GAD1: variants seen among roughly 807,000 people sequenced by gnomAD.
GAD1 encodes 67 kDa glutamic acid decarboxylase.
In GAD1, 35 loss-of-function variants were observed where a neutral mutation model predicts 75.2. The ratio of observed to expected loss-of-function variants is 0.47; its 90% CI spans 0.36 to 0.62. GAD1 has a LOEUF of 0.62. Ranked by LOEUF, GAD1 falls within the 20% of genes least tolerant of loss-of-function variation. The pLI is 0.00. For synonymous variants in GAD1, 257 were observed against 271.9 expected, an observed-to-expected ratio of 0.95 and a Z score of 0.54; for missense variants, 490 against 758.5, an observed-to-expected ratio of 0.65 and a Z score of 4.16.
At chr2:170,840,304 C>G (rs1050819572) in intron 6 of GAD1, among the ~76,000 whole-genome samples, 2 of 152,194 alleles carry the variant, frequency 1.3e-5, no homozygotes, top group Admixed American at 1.3e-4. Context: ...ATTTCTGTCT[C>G]TCATCATCTG....
At chr2:170,814,331 C>T (rs1031365046), upstream of GAD1, among the ~76,000 whole-genome samples, 2 of 152,142 alleles carry the variant, frequency 1.3e-5, no homozygotes, top group African/African-American at 4.8e-5. Context: ...GCAAACGAAA[C>T]AGAGGCATGG....
At chr2:170,814,135 T>C (rs546410513), upstream of GAD1, among the ~76,000 whole-genome samples, 5 of 152,162 alleles carry the variant, frequency 3.3e-5, no homozygotes, top group East Asian at 1.9e-4. Context: ...AACAAAAATA[T>C]AGGTTTCAAA....
chr2:170,856,958 T>C, intron 14 of GAD1, 60 bp from the exon 15 acceptor site: 2 of 1,337,098 alleles, frequency 1.5e-6, no homozygotes, highest in Non-Finnish European at 2.2e-6. Flanking sequence ...CAGCATAGCC[T>C]TCCCAAATGC....
rs144255617 is a variant in GAD1, at chr2:170,852,937, C to T, written c.1263+145C>T. 1.8e-4 allele frequency: 135 copies of T among 742,136 alleles called. No individual in the cohort carries two copies. The African/African-American group carries it at 1.9e-3, about 11-fold the overall frequency. The allele number at this position is 742,136 out of a possible 1,614,324, so 46.0% of individuals were successfully genotyped here. The stretch of plus-strand genomic sequence containing the variant: ...GAGAGACTACTGCTGCTGTCCTTTC[C>T]TGCCCTTGCAGCTAACCTGGTTTCT... On this transcript the variant is annotated intron_variant, in intron 13 of 16. Coordinates refer to ENST00000358196, the MANE Select transcript of GAD1 (RefSeq NM_000817.3).
At chr2:170,823,195 T>C (rs1701936296) in intron 3 of GAD1, among the ~76,000 whole-genome samples, 1 of 152,158 alleles carries the variant, frequency 6.6e-6, no homozygotes, top group Non-Finnish European at 1.5e-5. Flanking sequence ...CGTCAGCTCC[T>C]GCGCGCGGGA....
chr2:170,856,366 T>C (rs1358481001), intron 14 of GAD1, among the ~76,000 whole-genome samples: 1 of 152,214 alleles, frequency 6.6e-6, no homozygotes, highest in Admixed American at 6.5e-5. Flanking sequence ...GCCTGTCACC[T>C]AAAAGGCATA....
chr2:170,820,062 G>C (rs1386017651), intron 2 of GAD1, among the ~76,000 whole-genome samples: 5 of 152,224 alleles, frequency 3.3e-5, no homozygotes, highest in Non-Finnish European at 7.3e-5. Context: ...AGCTGGCCAG[G>C]GCAGGGCGGG....
upstream of GAD1, among the ~76,000 whole-genome samples, chr2:170,814,241 G>A (rs189198448): frequency 9.0e-4 from 137 of 152,282 alleles, no homozygotes; most frequent in African/African-American, 3.0e-3. Flanking sequence ...CCCCAACTAG[G>A]CAAAACAAAC....
chr2:170,835,423 T>G (rs1702347211), intron 5 of GAD1, among the ~76,000 whole-genome samples: 2 of 152,224 alleles, frequency 1.3e-5, no homozygotes. Context: ...ATCTATCATC[T>G]GCTACTTTCA....
chr2:170,859,388 C>T (rs968349276), intron 16 of GAD1, among the ~76,000 whole-genome samples: 1 of 152,148 alleles, frequency 6.6e-6, no homozygotes, highest in African/African-American at 2.4e-5. Context: ...GTGTGCCAGG[C>T]AGTATCCTGG....
Position 170,858,748 on chromosome 2 carries a change from C to T in GAD1, c.1522-56C>T. On this transcript the variant is annotated intron_variant, in intron 15 of 16. Transcript: ENST00000358196. ...CCAAGGATGCATATTGGTTTGGGAA[C>T]AGCTTTCTCTCAAGTTATCCTAATT... 3 of 1,532,606 alleles carry T rather than the reference C, an allele frequency of 2.0e-6. No individual in the cohort carries two copies. In the Admixed American group the frequency reaches 5.1e-5, roughly 26 times the overall value. The allele number at this position is 1,532,606 out of a possible 1,614,324, so 94.9% of individuals were successfully genotyped here.
chr2:170,818,683 G>C lies in GAD1; in HGVS notation c.82+10G>C, dbSNP rs1454020612. ...AACCTGCGCCCCACAAGTAGGTCCC[G>C]CCCCAATTTTCTATCAAATGAACTG... is the stretch of plus-strand genomic sequence containing the variant. On this transcript the variant is annotated intron_variant, in intron 2 of 16. Coordinates refer to ENST00000358196, the MANE Select transcript of GAD1 (RefSeq NM_000817.3). This position sits in a 1 kb window ranked among gnomAD's most constrained non-coding sequence, Gnocchi z 5.9. 6.2e-7 allele frequency: 1 copy of C among 1,613,508 alleles called. No individual in the cohort carries two copies. The highest frequency in any genetic ancestry group is 1.1e-5 in the South Asian group (1 of 91,070).
chr2:170,857,730 G>A (rs538962113), intron 15 of GAD1, among the ~76,000 whole-genome samples: 6 of 152,298 alleles, frequency 3.9e-5, no homozygotes, highest in African/African-American at 1.4e-4. Context: ...TCATAAGGAA[G>A]AGAGCAAGAT....
At chr2:170,815,173 C>T (rs1461093610), upstream of GAD1, among the ~76,000 whole-genome samples, 1 of 152,136 alleles carries the variant, frequency 6.6e-6, no homozygotes, top group African/African-American at 2.4e-5. Context: ...CCACTTCAAG[C>T]AGCGCAGAGC....
intron 3 of GAD1, 29 bp downstream of exon 3, chr2:170,822,178 C>G (rs964934575): frequency 6.2e-7 from 1 of 1,603,520 alleles, no homozygotes; most frequent in Non-Finnish European, 8.5e-7. Context: ...TGGGGCCCGG[C>G]TGGGTGGCGC....
At chr2:170,845,357 C>T in intron 7 of GAD1, 149 bp from the exon 8 acceptor site, 1 of 729,320 alleles carries the variant, frequency 1.4e-6, no homozygotes, top group South Asian at 1.5e-5. Context: ...TGGGAAGCCC[C>T]AGCAATAGGG....
chr2:170,850,146 C>T (rs1218513161), intron 12 of GAD1, among the ~76,000 whole-genome samples: 1 of 152,176 alleles, frequency 6.6e-6, no homozygotes, highest in Non-Finnish European at 1.5e-5. Flanking sequence ...AATAAAAATG[C>T]ATATCTGATA....
At chr2:170,858,082 C>T (rs1702890353) in intron 15 of GAD1, among the ~76,000 whole-genome samples, 1 of 152,212 alleles carries the variant, frequency 6.6e-6, no homozygotes, top group African/African-American at 2.4e-5. Context: ...AAATCAGTGA[C>T]ACTGCTCTGA....
intron 5 of GAD1, among the ~76,000 whole-genome samples, chr2:170,831,988 G>T (rs1255280124): frequency 6.6e-6 from 1 of 151,722 alleles, no homozygotes; most frequent in East Asian, 1.9e-4. Context: ...TTTCATTCTT[G>T]GATTTAGGCT....
Sources: allele counts gnomAD v4.1 joint callset (sites outside exome capture counted in the v4.1 genomes callset), GRCh38; gene constraint gnomAD v4.1.1; non-coding constraint Gnocchi (gnomAD v3.1); transcripts MANE v1.5; gene names NCBI Gene and HGNC (gene_info 2026-07-23, HGNC 2026-07-21).